The following ABCA9 variants were observed in gnomAD, a reference collection of about 807,000 sequenced individuals.
The protein encoded by ABCA9 is ATP binding cassette subfamily A member 9.
ABCA9 carries 183 observed loss-of-function variants against 205.3 expected under a neutral mutation model. That is an observed-to-expected ratio of 0.89 (90% confidence interval 0.79 to 1.01). ABCA9 has a LOEUF of 1.01. Ranked by LOEUF, ABCA9 falls within the 50% of genes least tolerant of loss-of-function variation. The pLI is 0.00. For synonymous variants in ABCA9, 651 were observed against 683.3 expected (o/e 0.95, Z 0.74); for missense variants, 1,805 against 1,912.4 (o/e 0.94, Z 1.05).
At chr17:69,000,329 T>A (rs2069807545) in intron 25 of ABCA9, among the ~76,000 whole-genome samples, 1 of 150,140 alleles carries the variant, frequency 6.7e-6, no homozygotes, top group Middle Eastern at 3.3e-3. Context: ...GGATCCAGTT[T>A]CAGCTTTCTA....
At chr17:69,077,038 C>A in the ABCA9 span, among the ~76,000 whole-genome samples, 8 of 151,868 alleles carry the variant, frequency 5.3e-5, no homozygotes, top group African/African-American at 2.4e-5. Context: ...TTAGTTATTT[C>A]TTTTCTTCTG....
Position 68,975,997 on chromosome 17 carries a change from G to C in ABCA9, c.4793C>G (p.Ser1598Cys). 4 of 1,613,732 alleles carry C rather than the reference G, an allele frequency of 2.5e-6. No homozygotes were observed. The South Asian group carries it at 4.4e-5, about 18-fold the overall frequency. ...STLEQVFLEL[S>C]KEQELGDLEE... ...AAGATCACCCAGCTCCTGCTCCTTGGAGAGCTCCAGGAAAACCTAAAAGGA... is the reference window on the plus strand; with the variant it reads ...AAGATCACCCAGCTCCTGCTCCTTGCAGAGCTCCAGGAAAACCTAAAAGGA... The change falls in exon 39 of 39, where the codon TCC (serine) becomes TGC (cysteine). Residue 1598 changes from serine to cysteine, a missense_variant. Physicochemically the swap from Ser to Cys is moderately radical, Grantham distance 112. Coordinates refer to ENST00000340001, the MANE Select transcript of ABCA9 (RefSeq NM_080283.4).
At chr17:69,013,731 T>G (rs141805602) in intron 22 of ABCA9, among the ~76,000 whole-genome samples, 45 of 152,218 alleles carry the variant, frequency 3.0e-4, no homozygotes, top group African/African-American at 1.0e-3. Context: ...GGTGATGACT[T>G]GCAGGAATGG....
intron 22 of ABCA9, among the ~76,000 whole-genome samples, chr17:69,015,147 C>T (rs984840334): frequency 1.3e-5 from 2 of 149,130 alleles, no homozygotes; most frequent in Non-Finnish European, 2.9e-5. Flanking sequence ...GGACACCCTC[C>T]CTTTTCTATT....
rs1336758756 is a variant in ABCA9 at position 69,007,853 on chromosome 17, T to C, written c.3341A>G (p.Tyr1114Cys). 3 of 1,602,414 alleles carry C rather than the reference T, an allele frequency of 1.9e-6. No individual in the cohort carries two copies. The highest frequency in any genetic ancestry group is 1.1e-5 in the South Asian group (1 of 90,354). The change falls in exon 25 of 39, where the codon TAT becomes TGT. Residue 1114 changes from tyrosine (Y) to cysteine (C), a missense_variant. Tyr to Cys is a radical substitution (Grantham distance 194). Transcript: ENST00000340001. ...TGTCAAGAAAACAAGAGATGAGACA[T>C]AGCCAATACTACACAGGATCTGAAA... is the stretch of plus-strand genomic sequence containing the variant. ...LLIQILCSIG[Y>C]VSSLVFLTYV...
intron 25 of ABCA9, among the ~76,000 whole-genome samples, chr17:69,005,445 T>C (rs1238570552): frequency 6.6e-6 from 1 of 152,206 alleles, no homozygotes; most frequent in East Asian, 1.9e-4. Flanking sequence ...AGGTGAAGCA[T>C]TCTTCTCTCA....
chr17:69,035,434 G>A lies in ABCA9; in HGVS notation c.943-3C>T, dbSNP rs1413880969. 1.3e-6 allele frequency: 2 copies of A among 1,560,782 alleles called. No homozygotes were observed. Among genetic ancestry groups the A allele is most frequent in the Non-Finnish European group, 8.6e-7 (1 of 1,159,578 alleles). On this transcript the variant is annotated splice_polypyrimidine_tract_variant and splice_region_variant and intron_variant, in intron 7 of 38. Transcript: ENST00000340001. ...CTCATCAGGAAAGCTAAAGTTATCT[G>A]AGAAAAGAGAAAGACTTCAGCTGGT... is the stretch of plus-strand genomic sequence containing the variant.
Position 69,051,251 on chromosome 17 carries a change from GAGA to G in ABCA9, c.-13-115_-13-113del, listed in dbSNP as rs1300315283. ...ACAGCTGTTTCCAGTTGCATTCCTG[GAGA>G]AGAAGAAAGCCAAAAGGCTAAAATA... On this transcript the variant is annotated intron_variant, in intron 1 of 38. Transcript: ENST00000340001. 4.7e-5 allele frequency: 43 copies of G among 918,200 alleles called. No homozygotes were observed. In the South Asian group the frequency reaches 8.4e-4, roughly 18 times the overall value. 56.9% of individuals were successfully genotyped at this position (918,200 alleles called of 1,614,324 possible). A position where few individuals can be genotyped will look rare whatever the true frequency, so the allele number is the denominator to read the frequency against.
chr17:69,052,196 C>T (rs993906954), intron 1 of ABCA9, among the ~76,000 whole-genome samples: 1 of 151,740 alleles, frequency 6.6e-6, no homozygotes, highest in Non-Finnish European at 1.5e-5. Flanking sequence ...CAAAGTGAGA[C>T]CCCATCTCTA....
intron 21 of ABCA9, 52 bp downstream of exon 21, chr17:69,017,604 G>T: frequency 6.3e-7 from 1 of 1,599,246 alleles, no homozygotes; most frequent in South Asian, 1.1e-5. Flanking sequence ...TATTCAAATT[G>T]TACACCCATA....
At chr17:69,044,862 C>T (rs981038879) in intron 4 of ABCA9, among the ~76,000 whole-genome samples, 1 of 152,148 alleles carries the variant, frequency 6.6e-6, no homozygotes, top group African/African-American at 2.4e-5. Context: ...GAGCTTGGAT[C>T]TTCTGTTGCT....
chr17:69,024,253 C>T lies in ABCA9; in HGVS notation c.2242G>A (p.Val748Ile), dbSNP rs374064269. ...GTCCTTTCCAAAGGCAAAATATATA[C>T]AAGTTTTTCTTCACTTTGTGCTGTC... is the stretch of plus-strand genomic sequence containing the variant. ...KLTAQSEEKL[V>I]YILPLERTNK... is the part of the protein sequence containing the mutation. The change falls in exon 17 of 39, where the codon GTA (valine) becomes ATA (isoleucine). Residue 748 changes from valine to isoleucine, a missense_variant. Transcript: ENST00000340001. 5 of 1,613,080 alleles carry T rather than the reference C, an allele frequency of 3.1e-6. No homozygotes were observed. The African/African-American group carries it at 5.3e-5, about 17-fold the overall frequency.
In ABCA9 at chr17:69,045,161, T is replaced by C; in HGVS notation, c.469+11A>G. On this transcript the variant is annotated intron_variant, in intron 4 of 38. Coordinates refer to ENST00000340001, the MANE Select transcript of ABCA9 (RefSeq NM_080283.4). Reference sequence around the variant, plus strand: ...ATAGCAAAAAAAATTTTTTTCTTCTTCAAAAGTTACCTGAATGGTCTCTGT... The same window carrying C: ...ATAGCAAAAAAAATTTTTTTCTTCTCCAAAAGTTACCTGAATGGTCTCTGT... 6.2e-7 allele frequency: 1 copy of C among 1,609,776 alleles called. No individual in the cohort carries two copies. The highest frequency in any genetic ancestry group is 1.1e-5 in the South Asian group (1 of 90,412).
chr17:69,003,012 T>A (rs2069948281), intron 25 of ABCA9, among the ~76,000 whole-genome samples: 1 of 149,522 alleles, frequency 6.7e-6, no homozygotes, highest in Non-Finnish European at 1.5e-5. Flanking sequence ...TATGTGGGTC[T>A]CTGCATGTGA....
intron 9 of ABCA9, chr17:69,033,101 AGT>A (rs2144373900): frequency 6.6e-6 from 1 of 152,330 alleles, no homozygotes; most frequent in East Asian, 1.9e-4. Context: ...TGAGGTCAGG[AGT>A]TCAAGACAGC....
At chr17:68,989,436 C>T (rs958505450) in intron 30 of ABCA9, among the ~76,000 whole-genome samples, 16 of 152,064 alleles carry the variant, frequency 1.1e-4, no homozygotes, top group African/African-American at 3.1e-4. Context: ...GCCTGTTGTA[C>T]GAACCCCCCA....
At chr17:69,049,675 T>C (rs1567973424) in intron 2 of ABCA9, among the ~76,000 whole-genome samples, 185 bp from the exon 3 acceptor site, 1 of 152,194 alleles carries the variant, frequency 6.6e-6, no homozygotes, top group Non-Finnish European at 1.5e-5. Context: ...ATATGCACAT[T>C]GTCTACCAAG....
chr17:69,071,672 C>T, the ABCA9 span, among the ~76,000 whole-genome samples: 1 of 152,082 alleles, frequency 6.6e-6, no homozygotes, highest in Non-Finnish European at 1.5e-5. Context: ...TTCAAAAACC[C>T]AGAATGCCTA....
At chr17:68,989,669 T>G in intron 30 of ABCA9, 144 bp downstream of exon 30, 1 of 564,766 alleles carries the variant, frequency 1.8e-6, no homozygotes, top group East Asian at 2.9e-5. Context: ...CGTTATCATT[T>G]CAACTGAGGC....
Sources: allele counts gnomAD v4.1 joint callset (sites outside exome capture counted in the v4.1 genomes callset), GRCh38; gene constraint gnomAD v4.1.1; transcripts MANE v1.5; gene names NCBI Gene and HGNC (gene_info 2026-07-23, HGNC 2026-07-21).